The following MAP3K13 variants were observed in gnomAD, a reference collection of about 807,000 sequenced individuals.
MAP3K13 encodes leucine zipper-bearing kinase.
MAP3K13 carries 52 observed loss-of-function variants against 104.0 expected under a neutral mutation model. The observed-to-expected ratio is 0.50, with a 90% CI of 0.40 to 0.63. MAP3K13 has a LOEUF of 0.63. Ranked by LOEUF, MAP3K13 falls within the 20% of genes least tolerant of loss-of-function variation. MAP3K13 has a pLI of 0.00. For synonymous variants in MAP3K13, 394 were observed against 442.2 expected, an observed-to-expected ratio of 0.89 and a Z score of 1.37; for missense variants, 914 against 1,218.5, an observed-to-expected ratio of 0.75 and a Z score of 3.72.
chr3:185,375,929 GC>G (rs1381513545), intron 1 of MAP3K13, among the ~76,000 whole-genome samples: 1 of 152,158 alleles, frequency 6.6e-6, no homozygotes, highest in African/African-American at 2.4e-5. Flanking sequence ...TAGTCGCTTT[GC>G]AAGAGTGAGA....
chr3:185,343,687 G>A (rs1722808728), intron 2 of MAP3K13, among the ~76,000 whole-genome samples: 1 of 152,154 alleles, frequency 6.6e-6, no homozygotes, highest in Admixed American at 6.5e-5. Context: ...TCTTGACCTT[G>A]TGATCTGCCC....
intron 2 of MAP3K13, among the ~76,000 whole-genome samples, chr3:185,436,728 C>T (rs1320380334): frequency 2.0e-5 from 3 of 152,038 alleles, no homozygotes; most frequent in African/African-American, 4.8e-5. Flanking sequence ...AGCAGCCCGG[C>T]GCAGTGGCTC....
At chr3:185,415,419 A>G (rs930401354) in intron 1 of MAP3K13, among the ~76,000 whole-genome samples, 1 of 151,876 alleles carries the variant, frequency 6.6e-6, no homozygotes, top group Non-Finnish European at 1.5e-5. Flanking sequence ...CAGCCTCCCA[A>G]AGTGCTGGGA....
chr3:185,428,516 A>T lies in MAP3K13; in HGVS notation c.-66A>T. ...TCTCAGGTTTTGGAGCCCTCTCTTA[A>T]GTCAGAACTCTGTCCCAAAAATCTT... On this transcript the variant is annotated 5_prime_UTR_variant, in exon 2 of 14. In the 5' UTR this introduces an upstream ATG that the reference lacks. Transcript: ENST00000265026. 6.6e-7 allele frequency: 1 copy of T among 1,510,614 alleles called. No individual in the cohort carries two copies. The highest frequency in any genetic ancestry group is 8.8e-7 in the Non-Finnish European group (1 of 1,131,982). The allele number at this position is 1,510,614 out of a possible 1,614,324, so 93.6% of individuals were successfully genotyped here. A position where few individuals can be genotyped will look rare whatever the true frequency, so the allele number is the denominator to read the frequency against.
chr3:185,300,185 T>G lies in MAP3K13; in HGVS notation c.-86+14542T>G, dbSNP rs1224839681. On this transcript the variant is annotated intron_variant, in intron 2 of 14. Coordinates refer to the MAP3K13 transcript ENST00000424227. ...TGTAGCATATGATAGGATTTCCTTC[T>G]TTTCTTTTTTTTTTTTTTTTTTCAG... Among the ~76,000 whole-genome samples, 3 of 151,342 alleles carry G rather than the reference T, an allele frequency of 2.0e-5. No homozygotes were observed. The East Asian group carries it at 5.8e-4, about 29-fold the overall frequency.
rs548181072 is a variant in MAP3K13 at position 185,375,139 on chromosome 3, G to A, written c.-86+11771G>A. 1.6e-4 allele frequency among the ~76,000 whole-genome samples: 24 copies of A among 152,230 alleles called. 1 individual carries two copies. The South Asian group carries it at 4.6e-3, about 29-fold the overall frequency. On this transcript the variant is annotated intron_variant, in intron 1 of 13. Coordinates refer to ENST00000265026, the MANE Select transcript of MAP3K13 (RefSeq NM_004721.5). ...TTATTGGACTGTATAAAGGTGGGAA[G>A]CCCAAACCGAGGAATTATGTCTGAC...
intron 4 of MAP3K13, 71 bp downstream of exon 4, chr3:185,443,707 A>G (rs1464669588): frequency 7.5e-7 from 1 of 1,330,852 alleles, no homozygotes; most frequent in Non-Finnish European, 1.1e-6. Context: ...TATCAACCTC[A>G]GTTGACGTTT....
chr3:185,302,924 G>T (rs960146344), intron 2 of MAP3K13, among the ~76,000 whole-genome samples: 15 of 152,134 alleles, frequency 9.9e-5, no homozygotes, highest in Non-Finnish European at 2.1e-4. Context: ...GATATTAAAG[G>T]GAAAGTTTTC....
chr3:185,355,533 G>A (rs1414462850), intron 2 of MAP3K13, among the ~76,000 whole-genome samples: 1 of 152,030 alleles, frequency 6.6e-6, no homozygotes, highest in African/African-American at 2.4e-5. Flanking sequence ...TACTCAGAAG[G>A]CTGAGGCAGG....
intron 1 of MAP3K13, among the ~76,000 whole-genome samples, chr3:185,380,661 C>T (rs1724672470): frequency 6.6e-6 from 1 of 152,102 alleles, no homozygotes; most frequent in Non-Finnish European, 1.5e-5. Flanking sequence ...TGATTTATAG[C>T]AGAGTTTCTC....
At chr3:185,441,111 C>T (rs550025091) in intron 3 of MAP3K13, among the ~76,000 whole-genome samples, 234 of 152,254 alleles carry the variant, frequency 1.5e-3, no homozygotes, top group Middle Eastern at 6.8e-3. Flanking sequence ...CCAGCTCTGT[C>T]ACTTATTAGT....
intron 1 of MAP3K13, among the ~76,000 whole-genome samples, chr3:185,410,064 G>A (rs1713343731): frequency 6.6e-6 from 1 of 152,180 alleles, no homozygotes; most frequent in African/African-American, 2.4e-5. Flanking sequence ...GCCCTCCTGT[G>A]AGAATCTAAC....
intron 11 of MAP3K13, chr3:185,476,455 G>A (rs929664142): frequency 6.6e-6 from 1 of 151,098 alleles, no homozygotes; most frequent in African/African-American, 2.4e-5. Flanking sequence ...CTCAATATTT[G>A]GTACAGTTCC....
intron 2 of MAP3K13, among the ~76,000 whole-genome samples, chr3:185,347,300 A>G (rs1393965666): frequency 1.3e-5 from 2 of 152,116 alleles, no homozygotes; most frequent in Non-Finnish European, 2.9e-5. Context: ...TTGCTTTTAT[A>G]TATTGGACAG....
chr3:185,421,444 T>C (rs931949706), intron 1 of MAP3K13, among the ~76,000 whole-genome samples: 6 of 152,114 alleles, frequency 3.9e-5, no homozygotes, highest in African/African-American at 1.4e-4. Flanking sequence ...GTGATCTGCC[T>C]GCCTCAGCCT....
At chr3:185,380,630 G>A (rs1181084293) in intron 1 of MAP3K13, among the ~76,000 whole-genome samples, 2 of 152,190 alleles carry the variant, frequency 1.3e-5, no homozygotes, top group African/African-American at 4.8e-5. Context: ...ATGCTGATGC[G>A]TGCTAAATTT....
chr3:185,410,341 G>A (rs1225020768), intron 1 of MAP3K13, among the ~76,000 whole-genome samples: 2 of 152,164 alleles, frequency 1.3e-5, no homozygotes, highest in Non-Finnish European at 2.9e-5. Context: ...GGATTCTAGA[G>A]GCTGGGGAGG....
intron 2 of MAP3K13, among the ~76,000 whole-genome samples, chr3:185,316,234 C>A (rs1271504102): frequency 6.6e-6 from 1 of 152,142 alleles, no homozygotes; most frequent in Non-Finnish European, 1.5e-5. Context: ...TTTCAGACAT[C>A]TCTCTATATT....
chr3:185,473,821 C>T lies in MAP3K13; in HGVS notation c.2430+60C>T. Reference sequence around the variant, plus strand: ...GCCTTCAAAGAATGCCAGAGCCTGTCATGTTATACACATTAGAGAGCATAT... The same window carrying T: ...GCCTTCAAAGAATGCCAGAGCCTGTTATGTTATACACATTAGAGAGCATAT... On this transcript the variant is annotated intron_variant, in intron 11 of 13. Transcript: ENST00000265026. The surrounding 1 kb of genome is among the most constrained non-coding windows in gnomAD (Gnocchi z 4.9). The T allele has an allele frequency of 4.0e-6, 6 of 1,501,768 alleles. No homozygotes were observed. The highest frequency in any genetic ancestry group is 5.4e-6 in the Non-Finnish European group (6 of 1,108,752). 93.0% of individuals were successfully genotyped at this position (1,501,768 alleles called of 1,614,324 possible).
Sources: allele counts gnomAD v4.1 joint callset (sites outside exome capture counted in the v4.1 genomes callset), GRCh38; gene constraint gnomAD v4.1.1; non-coding constraint Gnocchi (gnomAD v3.1); transcripts MANE v1.5; gene names NCBI Gene and HGNC (gene_info 2026-07-23, HGNC 2026-07-21).